Variants in BEGAIN observed in about 807,000 individuals in gnomAD.
The protein encoded by BEGAIN is brain-enriched guanylate kinase-associated protein.
Under a neutral mutation model 35.8 loss-of-function variants are expected in BEGAIN, and 19 were observed. The ratio of observed to expected loss-of-function variants is 0.53; its 90% CI spans 0.37 to 0.78. The LOEUF is 0.78. BEGAIN is among the 30% of genes least tolerant of loss of function. The pLI is 0.00. For synonymous variants in BEGAIN, 462 were observed against 388.6 expected, an observed-to-expected ratio of 1.19 and a Z score of -2.22; for missense variants, 795 against 853.6, an observed-to-expected ratio of 0.93 and a Z score of 0.85.
intron 5 of BEGAIN, among the ~76,000 whole-genome samples, chr14:100,540,855 C>T (rs2031497983): frequency 6.6e-6 from 1 of 152,214 alleles, no homozygotes; most frequent in Non-Finnish European, 1.5e-5. Context: ...GAACCTCCCA[C>T]AAGGTGGGGG....
At chr14:100,551,887 C>T (rs965404811) in intron 2 of BEGAIN, among the ~76,000 whole-genome samples, 6 of 152,030 alleles carry the variant, frequency 3.9e-5, no homozygotes, top group South Asian at 4.2e-4. Flanking sequence ...TGGGTCGGGG[C>T]GGTGGGCTTG....
rs987335723 is a variant in BEGAIN, at chr14:100,563,452, C to T, written c.71+4459G>A. 6.6e-6 allele frequency among the ~76,000 whole-genome samples: 1 copy of T among 152,230 alleles called. No individual in the cohort carries two copies. The highest frequency in any genetic ancestry group is 2.1e-4 in the South Asian group (1 of 4,832). ...TAGAAGGACCGTGTGAACAGCGAGA[C>T]GCGGCGTCCCCCAGGAGGTGTGGCT... On this transcript the variant is annotated intron_variant, in intron 2 of 6. Coordinates refer to ENST00000554140, the MANE Select transcript of BEGAIN (RefSeq NM_001385089.1). This position sits in a 1 kb window ranked among gnomAD's most constrained non-coding sequence, Gnocchi z 4.2.
In BEGAIN at chr14:100,571,992, C is replaced by A. The variant is rs192748555; in HGVS notation, c.43-4053G>T. ...TCCAGGGCCTGGCATGGAAGCCCTGCGGTGAGCAGGTGGTGTTGGCCTGAA... is the reference window on the plus strand; with the variant it reads ...TCCAGGGCCTGGCATGGAAGCCCTGAGGTGAGCAGGTGGTGTTGGCCTGAA... On this transcript the variant is annotated intron_variant, in intron 1 of 6. Coordinates refer to ENST00000554140, the MANE Select transcript of BEGAIN (RefSeq NM_001385089.1). 2.0e-5 allele frequency among the ~76,000 whole-genome samples: 3 copies of A among 152,326 alleles called. No homozygotes were observed. The East Asian group carries it at 5.8e-4, about 29-fold the overall frequency.
chr14:100,575,994 C>G (rs1240067633), intron 1 of BEGAIN, among the ~76,000 whole-genome samples: 1 of 152,136 alleles, frequency 6.6e-6, no homozygotes, highest in Non-Finnish European at 1.5e-5. Flanking sequence ...TCCCAGCTCA[C>G]CACCCCTGGA....
intron 1 of BEGAIN, among the ~76,000 whole-genome samples, chr14:100,570,683 G>A (rs2035052324): frequency 6.6e-6 from 1 of 152,170 alleles, no homozygotes; most frequent in African/African-American, 2.4e-5. Flanking sequence ...GGGTGGCTAG[G>A]GAGAAGATAG....
At chr14:100,556,839 G>C (rs1374983766) in intron 2 of BEGAIN, among the ~76,000 whole-genome samples, 1 of 152,224 alleles carries the variant, frequency 6.6e-6, no homozygotes, top group African/African-American at 2.4e-5. Context: ...TTTCTGACGA[G>C]GGTGGGTGGG....
At chr14:100,546,858 C>T (rs999423143) in intron 2 of BEGAIN, 196 bp from the exon 3 acceptor site, 6 of 477,874 alleles carry the variant, frequency 1.3e-5, no homozygotes, top group Non-Finnish European at 2.2e-5. Flanking sequence ...ACCATGGCGC[C>T]CCAGAGTCAG....
chr14:100,568,177 C>A lies in BEGAIN; in HGVS notation c.43-238G>T. Reference sequence around the variant, plus strand: ...GCCCGGGCCGCCGCGCTCCCCGCACCGAGTTACGCCCCCCGGGGCGAAGAA... The same window carrying A: ...GCCCGGGCCGCCGCGCTCCCCGCACAGAGTTACGCCCCCCGGGGCGAAGAA... On this transcript the variant is annotated intron_variant, in intron 1 of 6. Coordinates refer to ENST00000554140, the MANE Select transcript of BEGAIN (RefSeq NM_001385089.1). The surrounding 1 kb of genome is among the most constrained non-coding windows in gnomAD (Gnocchi z 7.5). 1 of 841,680 alleles carries A rather than the reference C, an allele frequency of 1.2e-6. No individual in the cohort carries two copies. The highest frequency in any genetic ancestry group is 1.4e-6 in the Non-Finnish European group (1 of 695,044). 52.1% of individuals were successfully genotyped at this position (841,680 alleles called of 1,614,324 possible).
intron 1 of BEGAIN, chr14:100,577,276 T>G: frequency 2.5e-6 from 1 of 398,692 alleles, no homozygotes; most frequent in Non-Finnish European, 4.4e-6. Flanking sequence ...AAGCGGCACA[T>G]GGGGAGGGAA....
chr14:100,538,072 G>T lies in BEGAIN; in HGVS notation c.1736C>A (p.Ala579Asp). The change falls in exon 7 of 7, where the codon GCC becomes GAC. Residue 579 changes from alanine (A) to aspartate (D), a missense_variant. Around this residue, in one of 3 missense-constraint regions of BEGAIN, gnomAD observed 664 missense variants for 647.7 expected, o/e 1.03. Coordinates refer to ENST00000554140, the MANE Select transcript of BEGAIN (RefSeq NM_001385089.1). The stretch of plus-strand genomic sequence containing the variant: ...AAAGGCCTGCTGGGGGCTGAGGCGG[G>T]CGGCAGGATGCATTTCCGGGGAGGC... ...MEASPEMHPA[A>D]RLSPQQAFPR... 1 of 1,594,270 alleles carries T rather than the reference G, an allele frequency of 6.3e-7. No homozygotes were observed. Among genetic ancestry groups the T allele is most frequent in the Non-Finnish European group, 8.5e-7 (1 of 1,172,128 alleles).
At position 100,545,011 on chromosome 14, in the gene BEGAIN, G is replaced by C; in HGVS notation, c.289C>G (p.Leu97Val). The change falls in exon 4 of 7, where the codon CTG becomes GTG. Residue 97 changes from leucine (L) to valine (V), a missense_variant. By Grantham distance (32) the Leu-to-Val change is conservative (BLOSUM62 1). This residue lies in a region of BEGAIN where 73 missense variants were observed against 143.2 expected (regional missense o/e 0.51). Transcript: ENST00000554140. ...CGTGGCGGCCTCACCATGCGGTACA[G>C]CTTGTCCTCCAGCTCCTGGTTGATC... is the stretch of plus-strand genomic sequence containing the variant. ...QRINQELEDK[L>V]YRMGQHYEEE... is the part of the protein sequence containing the mutation. The C allele has an allele frequency of 6.2e-7, 1 of 1,612,642 alleles. No homozygotes were observed. Among genetic ancestry groups the C allele is most frequent in the Non-Finnish European group, 8.5e-7 (1 of 1,179,964 alleles).
At chr14:100,566,953 C>A (rs1283887861) in intron 2 of BEGAIN, among the ~76,000 whole-genome samples, 1 of 152,176 alleles carries the variant, frequency 6.6e-6, no homozygotes, top group Non-Finnish European at 1.5e-5. Flanking sequence ...GCTGGCAGAG[C>A]CCAGGGCCCC....
chr14:100,545,386 C>G, intron 3 of BEGAIN: 1 of 1,174,534 alleles, frequency 8.5e-7, no homozygotes, highest in Non-Finnish European at 1.1e-6. Flanking sequence ...CCAGTTTACT[C>G]ACATTTGACC....
Position 100,567,432 on chromosome 14 carries a change from A to G in BEGAIN, c.71+479T>C, listed in dbSNP as rs1005474632. 6.7e-6 allele frequency among the ~76,000 whole-genome samples: 1 copy of G among 149,602 alleles called. No homozygotes were observed. Among genetic ancestry groups the G allele is most frequent in the Non-Finnish European group, 1.5e-5 (1 of 67,192 alleles). On this transcript the variant is annotated intron_variant, in intron 2 of 6. Coordinates refer to ENST00000554140, the MANE Select transcript of BEGAIN (RefSeq NM_001385089.1). The surrounding 1 kb of genome is among the most constrained non-coding windows in gnomAD (Gnocchi z 5.1). ...ACTCCATCCCCCACCCCCGCCCCCC[A>G]GAGGCGGACACTTAAAAGCTCAGAG...
intron 2 of BEGAIN, among the ~76,000 whole-genome samples, chr14:100,566,370 A>G (rs7494544): frequency 0.54 from 82,651 of 152,206 alleles, 24,754 homozygotes; most frequent in African/African-American, 0.8. Context: ...GCACACAGGA[A>G]TAGGTGCCGG....
intron 1 of BEGAIN, among the ~76,000 whole-genome samples, chr14:100,585,247 CCCTCCCAT>C (rs1345087796): frequency 3.8e-5 from 4 of 104,066 alleles, no homozygotes; most frequent in East Asian, 2.9e-4. Flanking sequence ...CTCCCTCCCT[CCCTCCCAT>C]CCATCCATCC....
intron 2 of BEGAIN, among the ~76,000 whole-genome samples, chr14:100,560,821 G>A (rs959459225): frequency 2.0e-5 from 3 of 152,258 alleles, no homozygotes; most frequent in Admixed American, 6.5e-5. Context: ...CCCGTCTCAC[G>A]TCCTGCAACT....
intron 2 of BEGAIN, among the ~76,000 whole-genome samples, chr14:100,561,324 A>G (rs1046406013): frequency 1.3e-5 from 2 of 152,180 alleles, no homozygotes; most frequent in African/African-American, 4.8e-5. Flanking sequence ...GGCAGGCCAC[A>G]ACAGCAAGGC....
rs141295602 is a variant in BEGAIN, at chr14:100,562,782, C to G, written c.71+5129G>C. On this transcript the variant is annotated intron_variant, in intron 2 of 6. Transcript: ENST00000554140. ...TACAGGTCACCTGCTCCCCGCCCCCCACTCACTGCCTTCCTTTCTTTTTGT... is the reference window on the plus strand; with the variant it reads ...TACAGGTCACCTGCTCCCCGCCCCCGACTCACTGCCTTCCTTTCTTTTTGT... 2.3e-3 allele frequency among the ~76,000 whole-genome samples: 356 copies of G among 152,354 alleles called. 5 individuals are homozygous for G. The highest frequency in any genetic ancestry group is 7.7e-3 in the African/African-American group (319 of 41,580).
Sources: gnomAD v4.1 joint callset for allele counts (sites outside exome capture counted in the v4.1 genomes callset) on GRCh38, gnomAD v4.1.1 for gene constraint, gnomAD v4.1.1 regional missense constraint, Gnocchi (gnomAD v3.1) non-coding constraint, MANE v1.5 for transcripts, NCBI Gene and HGNC (gene_info 2026-07-23, HGNC 2026-07-21) for gene names.